PACS2: variants seen among roughly 807,000 people sequenced by gnomAD.
The protein encoded by PACS2 is PACS1-like protein.
PACS2 carries 36 observed loss-of-function variants against 113.0 expected under a neutral mutation model. The observed-to-expected ratio is 0.32, with a 90% CI of 0.24 to 0.42. The LOEUF is 0.42. Ranked by LOEUF, PACS2 falls within the 10% of genes least tolerant of loss-of-function variation. The probability of loss-of-function intolerance (pLI) is 1.00; values close to 1 mark genes in which losing one functional copy is unlikely to be tolerated. For synonymous variants in PACS2, 589 were observed against 536.1 expected (o/e 1.10, Z -1.36); for missense variants, 1,015 against 1,239.5 (o/e 0.82, Z 2.72).
intron 19 of PACS2, chr14:105,389,554 C>T (rs957166027): frequency 3.4e-5 from 8 of 233,042 alleles, no homozygotes; most frequent in Non-Finnish European, 7.0e-5. Flanking sequence ...GCCCTAACCC[C>T]AGCAGAGCAG....
chr14:105,380,356 G>A (rs1334193037), intron 11 of PACS2, among the ~76,000 whole-genome samples: 2 of 152,080 alleles, frequency 1.3e-5, no homozygotes, highest in Non-Finnish European at 2.9e-5. Flanking sequence ...TCAGGGTCAG[G>A]GCGCCCTGGA....
chr14:105,315,181 G>T lies in PACS2; in HGVS notation c.119+144G>T. The stretch of plus-strand genomic sequence containing the variant: ...GCGCCCCCGCCCGCCGGTTCGACGC[G>T]TGCAGCCGCCGCCCCCCCGCAGCTC... On this transcript the variant is annotated intron_variant, in intron 1 of 24. Transcript: ENST00000447393. The surrounding 1 kb of genome is among the most constrained non-coding windows in gnomAD (Gnocchi z 4.4). 1 of 339,194 alleles carries T rather than the reference G, an allele frequency of 2.9e-6. No individual in the cohort carries two copies. Among genetic ancestry groups the T allele is most frequent in the Non-Finnish European group, 4.3e-6 (1 of 232,370 alleles). The allele number at this position is 339,194 out of a possible 1,614,324, so 21.0% of individuals were successfully genotyped here.
chr14:105,384,363 C>A lies in PACS2; in HGVS notation c.1791C>A (p.Pro597=). The change falls in exon 17 of 25, where the codon CCC becomes CCA. Residue 597 remains proline, a synonymous_variant. Coordinates refer to ENST00000447393, the MANE Select transcript of PACS2 (RefSeq NM_001100913.3). ...RFLVIPLGSH[P]VARYLGSVDY... is the part of the protein sequence containing the mutation. ...ACCCCTGGCATGCAGGCTCCCACCC[C>A]GTGGCCAGGTACCTAGGCTCCGTGG... is the stretch of plus-strand genomic sequence containing the variant. 6.2e-7 allele frequency: 1 copy of A among 1,607,972 alleles called. No individual in the cohort carries two copies. Among genetic ancestry groups the A allele is most frequent in the Non-Finnish European group, 8.5e-7 (1 of 1,176,442 alleles).
chr14:105,388,022 C>T (rs1038804970), intron 19 of PACS2, among the ~76,000 whole-genome samples: 22 of 152,240 alleles, frequency 1.4e-4, no homozygotes, highest in African/African-American at 4.8e-4. Context: ...GCCAGGAGGC[C>T]GCCCTGAGGC....
At chr14:105,359,795 G>A (rs2141083112) in intron 4 of PACS2, among the ~76,000 whole-genome samples, 1 of 152,128 alleles carries the variant, frequency 6.6e-6, no homozygotes, top group South Asian at 2.1e-4. Flanking sequence ...GTTTCACCGT[G>A]TTAGCCAAGA....
intron 11 of PACS2, among the ~76,000 whole-genome samples, chr14:105,380,588 C>T (rs2080954427): frequency 6.6e-6 from 1 of 152,024 alleles, no homozygotes; most frequent in African/African-American, 2.4e-5. Flanking sequence ...GTCAGGGCGC[C>T]TGGACTCACC....
intron 22 of PACS2, 63 bp downstream of exon 22, chr14:105,391,829 A>G: frequency 6.7e-7 from 1 of 1,481,628 alleles, no homozygotes; most frequent in Non-Finnish European, 9.1e-7. Flanking sequence ...TGCCTGATTC[A>G]GTCATCCTCC....
intron 3 of PACS2, among the ~76,000 whole-genome samples, chr14:105,352,839 G>GC (rs1250212245): frequency 1.1e-4 from 13 of 113,576 alleles, no homozygotes; most frequent in African/African-American, 2.0e-4. Context: ...GGGGAGACGG[G>GC]CCCCCCCATC....
At chr14:105,307,149 A>C (rs1361556707) in intron 1 of PACS2, among the ~76,000 whole-genome samples, 1 of 150,968 alleles carries the variant, frequency 6.6e-6, no homozygotes, top group Non-Finnish European at 1.5e-5. Flanking sequence ...GGCTCAAGAG[A>C]TCCTTTGGCC....
intron 19 of PACS2, among the ~76,000 whole-genome samples, chr14:105,387,833 C>T (rs950577850): frequency 6.6e-6 from 1 of 152,220 alleles, no homozygotes; most frequent in Non-Finnish European, 1.5e-5. Flanking sequence ...GGAATTGGAG[C>T]CACCCATGCC....
At chr14:105,338,609 C>T (rs1209726563) in intron 1 of PACS2, among the ~76,000 whole-genome samples, 1 of 152,098 alleles carries the variant, frequency 6.6e-6, no homozygotes, top group African/African-American at 2.4e-5. Flanking sequence ...GGTCCCCTGC[C>T]GACCCTCACC....
At chr14:105,343,344 G>A (rs587703679) in intron 1 of PACS2, among the ~76,000 whole-genome samples, 3 of 152,316 alleles carry the variant, frequency 2.0e-5, no homozygotes, top group South Asian at 4.1e-4. Flanking sequence ...AGGGATCTGT[G>A]TAGGGACATA....
At chr14:105,368,263 T>C (rs1287798655) in intron 6 of PACS2, 116 bp downstream of exon 6, 3 of 860,032 alleles carry the variant, frequency 3.5e-6, no homozygotes, top group East Asian at 5.1e-5. Context: ...GCCACGGGCC[T>C]GGCCCCTGGT....
chr14:105,385,032 C>A, intron 18 of PACS2, 45 bp downstream of exon 18: 1 of 1,244,072 alleles, frequency 8.0e-7, no homozygotes, highest in Non-Finnish European at 1.2e-6. Flanking sequence ...TGCCGCCAGC[C>A]ACCAACCCTC....
intron 1 of PACS2, among the ~76,000 whole-genome samples, chr14:105,322,601 T>C (rs1313096829): frequency 6.6e-6 from 1 of 152,242 alleles, no homozygotes; most frequent in African/African-American, 2.4e-5. Flanking sequence ...GTTAATTGTA[T>C]CTTTACTCTC....
At chr14:105,393,611 CAG>C (rs1555415649) in intron 24 of PACS2, 3 of 344,862 alleles carry the variant, frequency 8.7e-6, no homozygotes, top group East Asian at 6.8e-5. Flanking sequence ...TTTTTTGAGA[CAG>C]AGTTTTGCTC....
rs1232941982 is a variant in PACS2, at chr14:105,330,622, C to T, written c.119+15585C>T. Among the ~76,000 whole-genome samples, 1 of 152,218 alleles carries T rather than the reference C, an allele frequency of 6.6e-6. No individual in the cohort carries two copies. The highest frequency in any genetic ancestry group is 2.4e-5 in the African/African-American group (1 of 41,464). On this transcript the variant is annotated intron_variant, in intron 1 of 24. Coordinates refer to ENST00000447393, the MANE Select transcript of PACS2 (RefSeq NM_001100913.3). The surrounding 1 kb of genome is among the most constrained non-coding windows in gnomAD (Gnocchi z 6.9). ...TGCAGCCTAGGCCACACCAGCATGA[C>T]CCCTCGCCCCTGTCTCCACGGAGCA...
chr14:105,372,152 C>T (rs1367890638), intron 8 of PACS2: 2 of 152,286 alleles, frequency 1.3e-5, no homozygotes, highest in African/African-American at 4.8e-5. Flanking sequence ...CACAGTGGGT[C>T]TGGTGAGGAG....
Position 105,356,203 on chromosome 14 carries a change from G to C in PACS2, c.423+1026G>C, listed in dbSNP as rs1232923836. 6.6e-6 allele frequency among the ~76,000 whole-genome samples: 1 copy of C among 152,062 alleles called. No individual in the cohort carries two copies. The highest frequency in any genetic ancestry group is 1.5e-5 in the Non-Finnish European group (1 of 67,986). Reference sequence around the variant, plus strand: ...CAGCCTGCAGGCCTCCTGTCTCCCAGGTCAAGCGCTAGGTCCCCCAGATCC... The same window carrying C: ...CAGCCTGCAGGCCTCCTGTCTCCCACGTCAAGCGCTAGGTCCCCCAGATCC... On this transcript the variant is annotated intron_variant, in intron 4 of 24. Coordinates refer to ENST00000447393, the MANE Select transcript of PACS2 (RefSeq NM_001100913.3). This position sits in a 1 kb window ranked among gnomAD's most constrained non-coding sequence, Gnocchi z 4.0.
Sources: allele counts gnomAD v4.1 joint callset (sites outside exome capture counted in the v4.1 genomes callset), GRCh38; gene constraint gnomAD v4.1.1; non-coding constraint Gnocchi (gnomAD v3.1); transcripts MANE v1.5; gene names NCBI Gene and HGNC (gene_info 2026-07-23, HGNC 2026-07-21).